DCDC1: variants seen among roughly 807,000 people sequenced by gnomAD.
The protein encoded by DCDC1 is doublecortin domain containing 1.
Under a neutral mutation model 178.3 loss-of-function variants are expected in DCDC1, and 200 were observed. That is an observed-to-expected ratio of 1.12 (90% CI 1.00 to 1.26). The LOEUF is 1.26. DCDC1 is among the 50% of genes most tolerant of loss of function. The pLI, the probability that DCDC1 is intolerant of heterozygous loss-of-function variation, is 0.00. For synonymous variants in DCDC1, 690 were observed against 604.8 expected, an observed-to-expected ratio of 1.14 and a Z score of -2.07; for missense variants, 1,983 against 1,749.2, an observed-to-expected ratio of 1.13 and a Z score of -2.38.
Position 31,127,512 on chromosome 11 carries a change from C to A in DCDC1, c.1442G>T (p.Ser481Ile), listed in dbSNP as rs1304192874. The A allele has an allele frequency of 1.4e-6, 1 of 702,676 alleles. No individual in the cohort carries two copies. The highest frequency in any genetic ancestry group is 1.5e-5 in the South Asian group (1 of 67,594). 43.5% of individuals were successfully genotyped at this position (702,676 alleles called of 1,614,324 possible). A position where few individuals can be genotyped will look rare whatever the true frequency, so the allele number is the denominator to read the frequency against. The change falls in exon 11 of 39, where the codon AGC becomes ATC. Residue 481 changes from serine to isoleucine, a missense_variant. Transcript: ENST00000684477. ...TGGGACAAGCGTGTTTGCTGGAAGG[C>A]TTTTAATGTGTTGGTAGACATAAGA... ...FSSYVYQHIK[S>I]LPANTLVPGG...
intron 9 of DCDC1, among the ~76,000 whole-genome samples, chr11:31,209,330 T>G (rs947902251): frequency 2.6e-5 from 4 of 152,160 alleles, no homozygotes; most frequent in Admixed American, 2.6e-4. Context: ...GGTAGTGATT[T>G]CTAAAAAGGA....
intron 35 of DCDC1, 132 bp downstream of exon 35, chr11:30,894,116 T>TA: frequency 8.0e-7 from 1 of 1,246,090 alleles, no homozygotes; most frequent in Non-Finnish European, 1.0e-6. Context: ...ATGCTTGGCA[T>TA]ATGCTTATAT....
intron 34 of DCDC1, among the ~76,000 whole-genome samples, chr11:30,898,478 G>T (rs1229235500): frequency 1.3e-5 from 2 of 152,128 alleles, no homozygotes; most frequent in Non-Finnish European, 2.9e-5. Flanking sequence ...TATTTGCTTG[G>T]GGAAGGTGAG....
chr11:31,226,708 TA>T (rs35522659), intron 9 of DCDC1, among the ~76,000 whole-genome samples: 79,859 of 130,874 alleles, frequency 0.61, 23,154 homozygotes, highest in East Asian at 0.91. Flanking sequence ...ATCTCATCTC[TA>T]AAAAAAAAAA....
At chr11:31,010,577 C>G (rs1445574059) in intron 20 of DCDC1, among the ~76,000 whole-genome samples, 1 of 152,102 alleles carries the variant, frequency 6.6e-6, no homozygotes, top group Non-Finnish European at 1.5e-5. Flanking sequence ...TTGCCATTTT[C>G]TATTTGTTGG....
chr11:30,952,174 A>G (rs1948465277), intron 21 of DCDC1, among the ~76,000 whole-genome samples: 1 of 152,194 alleles, frequency 6.6e-6, no homozygotes, highest in South Asian at 2.1e-4. Context: ...GGGAGATATA[A>G]TATTTTGAAC....
intron 20 of DCDC1, among the ~76,000 whole-genome samples, chr11:30,991,302 G>A (rs577046631): frequency 2.6e-5 from 4 of 152,260 alleles, no homozygotes; most frequent in Non-Finnish European, 5.9e-5. Context: ...CAAAACATCA[G>A]AGTGTACACC....
chr11:30,864,206 C>G lies in DCDC1; in HGVS notation c.*1167G>C, dbSNP rs1475313952. 1.3e-5 allele frequency: 2 copies of G among 152,108 alleles called. No homozygotes were observed. The highest frequency in any genetic ancestry group is 2.9e-5 in the Non-Finnish European group (2 of 68,022). The allele number at this position is 152,108 out of a possible 1,614,324, so 9.4% of individuals were successfully genotyped here. On this transcript the variant is annotated 3_prime_UTR_variant, in exon 39 of 39. Transcript: ENST00000684477. ...TCTTAAAGAGCTATATAAACCAAATCAACTTGAGAACTGCTTCATGATTGC... is the reference window on the plus strand; with the variant it reads ...TCTTAAAGAGCTATATAAACCAAATGAACTTGAGAACTGCTTCATGATTGC...
chr11:31,005,852 T>C (rs1951808481), intron 20 of DCDC1, among the ~76,000 whole-genome samples: 1 of 151,852 alleles, frequency 6.6e-6, no homozygotes, highest in Non-Finnish European at 1.5e-5. Context: ...CCCTCCATTC[T>C]TTTTAAATTT....
intron 21 of DCDC1, among the ~76,000 whole-genome samples, chr11:30,948,837 C>A (rs1176559806): frequency 6.6e-6 from 1 of 152,100 alleles, no homozygotes; most frequent in East Asian, 1.9e-4. Flanking sequence ...TTCCTTACAC[C>A]ATATACAAAA....
intron 7 of DCDC1, among the ~76,000 whole-genome samples, chr11:31,265,976 A>C (rs2616805): frequency 0.093 from 13,976 of 150,598 alleles, 1,790 homozygotes; most frequent in African/African-American, 0.28. Flanking sequence ...TAGAACTCTG[A>C]GGGATTTTTA....
chr11:31,141,937 G>T (rs965654045), intron 9 of DCDC1, among the ~76,000 whole-genome samples: 2 of 152,196 alleles, frequency 1.3e-5, no homozygotes, highest in Non-Finnish European at 2.9e-5. Context: ...AAAGAGCTCC[G>T]TATATAAACA....
At chr11:31,070,225 A>T (rs925995342) in intron 18 of DCDC1, among the ~76,000 whole-genome samples, 2 of 152,224 alleles carry the variant, frequency 1.3e-5, no homozygotes, top group African/African-American at 4.8e-5. Context: ...AGGTTCAGTC[A>T]TCAGACCACC....
chr11:30,943,599 C>T (rs1406007709), intron 21 of DCDC1: 5 of 440,910 alleles, frequency 1.1e-5, no homozygotes, highest in Non-Finnish European at 2.3e-5. Flanking sequence ...TGTTTAGAAG[C>T]ACAATTTTTC....
chr11:31,194,791 C>T (rs1338524416), intron 9 of DCDC1, among the ~76,000 whole-genome samples: 1 of 152,008 alleles, frequency 6.6e-6, no homozygotes, highest in Non-Finnish European at 1.5e-5. Context: ...AACAAATCCC[C>T]AAATGTTTAA....
intron 38 of DCDC1, among the ~76,000 whole-genome samples, chr11:30,874,761 G>A (rs1941960250): frequency 1.3e-5 from 2 of 152,112 alleles, no homozygotes; most frequent in Admixed American, 6.6e-5. Flanking sequence ...TGACATTCCT[G>A]AGCATGTGCA....
intron 9 of DCDC1, among the ~76,000 whole-genome samples, chr11:31,140,319 A>C (rs1393579544): frequency 6.6e-6 from 1 of 152,210 alleles, no homozygotes. Flanking sequence ...AAGGTGGATA[A>C]AATTTGTATA....
intron 37 of DCDC1, among the ~76,000 whole-genome samples, chr11:30,880,538 A>T (rs1942568095): frequency 6.6e-6 from 1 of 152,264 alleles, no homozygotes; most frequent in East Asian, 1.9e-4. Context: ...CTAATCTTTT[A>T]GTTTCCTTTA....
Position 30,881,284 on chromosome 11 carries a change from G to A in DCDC1, c.5107C>T (p.Leu1703Phe), listed in dbSNP as rs1447754893. The stretch of plus-strand genomic sequence containing the variant: ...GCTCTAGCTGGGTGGGTCATTTTGA[G>A]ACGAGAGGAGCAGTCTTGCAGCAGC... The part of the protein sequence containing the change: ...SELLQDCSSR[L>F]KMTHPARALY... Residue 1703 changes from leucine to phenylalanine, a missense_variant, in exon 37 of 39, where the codon CTC (leucine) becomes TTC (phenylalanine). Physicochemically the swap from Leu to Phe is conservative, Grantham distance 22 (BLOSUM62 0). Transcript: ENST00000684477. 2 of 1,613,374 alleles carry A rather than the reference G, an allele frequency of 1.2e-6. No individual in the cohort carries two copies. Among genetic ancestry groups the A allele is most frequent in the South Asian group, 2.2e-5 (2 of 91,066 alleles).
Sources: allele counts gnomAD v4.1 joint callset (sites outside exome capture counted in the v4.1 genomes callset), GRCh38; gene constraint gnomAD v4.1.1; transcripts MANE v1.5; gene names NCBI Gene and HGNC (gene_info 2026-07-23, HGNC 2026-07-21).